IQGAP1: variants seen among roughly 807,000 people sequenced by gnomAD.
IQGAP1 encodes the protein ras GTPase-activating-like protein IQGAP1.
IQGAP1 carries 66 observed loss-of-function variants against 215.6 expected under a neutral mutation model. The observed-to-expected ratio is 0.31, with a 90% CI of 0.25 to 0.38. The LOEUF is 0.38. Among genes scored for constraint, IQGAP1 ranks in the 10% least tolerant of loss-of-function variants. The pLI is 1.00. For synonymous variants in IQGAP1, 772 were observed against 728.7 expected, an observed-to-expected ratio of 1.06 and a Z score of -0.96; for missense variants, 1,712 against 1,997.1, an observed-to-expected ratio of 0.86 and a Z score of 2.72.
Position 90,499,616 on chromosome 15 carries a change from G to A in IQGAP1, c.4861-379G>A, listed in dbSNP as rs1262156251. The stretch of plus-strand genomic sequence containing the variant: ...ACCTTTTCCAGATTTATTAAAACTA[G>A]TGACCCATAACATGGATGAAATGGG... On this transcript the variant is annotated intron_variant, in intron 37 of 37. Coordinates refer to ENST00000268182, the MANE Select transcript of IQGAP1 (RefSeq NM_003870.4). Among the ~76,000 whole-genome samples the A allele has an allele frequency of 2.6e-5, 4 of 152,318 alleles. No individual in the cohort carries two copies. In the East Asian group the frequency reaches 7.7e-4, roughly 29 times the overall value.
chr15:90,458,967 T>C (rs1965723832), intron 15 of IQGAP1, among the ~76,000 whole-genome samples: 1 of 152,086 alleles, frequency 6.6e-6, no homozygotes, highest in Non-Finnish European at 1.5e-5. Context: ...ACATATAAAA[T>C]TGCCCACTCC....
chr15:90,416,883 T>C (rs11857092), intron 2 of IQGAP1, among the ~76,000 whole-genome samples: 63,132 of 151,980 alleles, frequency 0.42, 14,880 homozygotes, highest in African/African-American at 0.66. Flanking sequence ...AGCCTGTTTC[T>C]TAACTTTTTA....
chr15:90,423,086 A>C (rs1223593101), intron 2 of IQGAP1, among the ~76,000 whole-genome samples: 1 of 145,996 alleles, frequency 6.8e-6, no homozygotes, highest in East Asian at 2.5e-4. Context: ...TGATTCTGTG[A>C]TTTAGTAGAA....
rs182710515 is a variant in IQGAP1 at position 90,443,420 on chromosome 15, T to C, written c.855T>C (p.Asp285=). 1.9e-6 allele frequency: 3 copies of C among 1,613,066 alleles called. No individual in the cohort carries two copies. The highest frequency in any genetic ancestry group is 1.1e-5 in the South Asian group (1 of 91,040). The change falls in exon 9 of 38, where the codon GAT becomes GAC. Residue 285 remains aspartate (D), a synonymous_variant. Transcript: ENST00000268182. ...CAGAAAACTCAGAGAGAGAAAGAGA[T>C]GTTTATGAGGAGCTGCTCACGCAAG... ...NRTENSERER[D]VYEELLTQAE... is the part of the protein sequence containing the mutation.
At chr15:90,433,648 TTGA>T (rs1457053682) in intron 4 of IQGAP1, 68 bp from the exon 5 acceptor site, 2 of 931,180 alleles carry the variant, frequency 2.1e-6, no homozygotes, top group African/African-American at 3.3e-5. Flanking sequence ...ATTTGGATTA[TTGA>T]TGATTGGTGA....
intron 30 of IQGAP1, among the ~76,000 whole-genome samples, chr15:90,484,968 T>G (rs1400065237): frequency 1.3e-5 from 2 of 152,216 alleles, no homozygotes; most frequent in East Asian, 1.9e-4. Flanking sequence ...ATCTATTGCC[T>G]TAATAAAATA....
intron 18 of IQGAP1, among the ~76,000 whole-genome samples, chr15:90,471,464 C>T (rs1343866441): frequency 1.3e-5 from 2 of 151,278 alleles, no homozygotes; most frequent in African/African-American, 2.4e-5. Context: ...CATACTACTA[C>T]TGCTCACAGC....
intron 2 of IQGAP1, among the ~76,000 whole-genome samples, chr15:90,406,309 C>A (rs77122727): frequency 0.014 from 2,118 of 152,278 alleles, 41 homozygotes; most frequent in African/African-American, 0.048. Context: ...ATTGGTGAAT[C>A]AGAGAAAAAC....
intron 4 of IQGAP1, 54 bp downstream of exon 4, chr15:90,429,720 C>A: frequency 1.8e-6 from 2 of 1,084,010 alleles, no homozygotes; most frequent in South Asian, 1.4e-5. Flanking sequence ...GTGGCATAAC[C>A]CTCAAACAAC....
intron 26 of IQGAP1, among the ~76,000 whole-genome samples, chr15:90,478,814 AAAAG>A (rs1966015048): frequency 1.3e-5 from 2 of 152,226 alleles, no homozygotes; most frequent in Admixed American, 1.3e-4. Context: ...CATTAAAGGA[AAAAG>A]AAAACGGTGT....
chr15:90,441,818 T>G (rs1965454915), intron 8 of IQGAP1, 134 bp downstream of exon 8: 1 of 698,110 alleles, frequency 1.4e-6, no homozygotes, highest in Admixed American at 3.0e-5. Context: ...AATGTACAGT[T>G]TGAGTTTTGA....
At chr15:90,416,493 A>G (rs1236916252) in intron 2 of IQGAP1, among the ~76,000 whole-genome samples, 1 of 151,912 alleles carries the variant, frequency 6.6e-6, no homozygotes, top group Non-Finnish European at 1.5e-5. Flanking sequence ...GTCTTCCCCA[A>G]TGGTTGAAGC....
At chr15:90,408,023 T>C (rs1224289314) in intron 2 of IQGAP1, among the ~76,000 whole-genome samples, 1 of 152,232 alleles carries the variant, frequency 6.6e-6, no homozygotes, top group African/African-American at 2.4e-5. Flanking sequence ...GGAAAGATTA[T>C]TTTATGGCTG....
chr15:90,406,410 C>T (rs1964878728), intron 2 of IQGAP1, among the ~76,000 whole-genome samples: 1 of 152,192 alleles, frequency 6.6e-6, no homozygotes, highest in South Asian at 2.1e-4. Flanking sequence ...GGTGATCCAC[C>T]CGCCTCAGCC....
chr15:90,477,519 G>T, intron 25 of IQGAP1, 146 bp from the exon 26 acceptor site: 1 of 666,914 alleles, frequency 1.5e-6, no homozygotes, highest in Non-Finnish European at 2.6e-6. Context: ...GACCACGATT[G>T]AGCGTGCAGC....
chr15:90,492,562 G>A lies in IQGAP1; in HGVS notation c.4479G>A (p.Arg1493=), dbSNP rs761610878. 2.5e-6 allele frequency: 4 copies of A among 1,602,654 alleles called. No homozygotes were observed. In the East Asian group the frequency reaches 8.9e-5, roughly 36 times the overall value. ...TGTCTCAGGATATTCGGAATCAGCG[G>A]AGGTACCGACAGAGGAGAAAGGCCG... The part of the protein sequence containing the change: ...NDIARDIRNQ[R]RYRQRRKAEL... The change falls in exon 35 of 38, where the codon CGG becomes CGA. Residue 1493 remains arginine, a synonymous_variant. Coordinates refer to ENST00000268182, the MANE Select transcript of IQGAP1 (RefSeq NM_003870.4).
chr15:90,494,856 T>C (rs1966251193), intron 36 of IQGAP1, 21 bp downstream of exon 36: 1 of 1,572,086 alleles, frequency 6.4e-7, no homozygotes, highest in Non-Finnish European at 8.6e-7. Context: ...GCTTTTTGTT[T>C]TATAAGTTGA....
chr15:90,471,499 A>T (rs914658880), intron 18 of IQGAP1, among the ~76,000 whole-genome samples: 1 of 144,426 alleles, frequency 6.9e-6, no homozygotes, highest in Non-Finnish European at 1.5e-5. Flanking sequence ...TACCTCATGA[A>T]GTCTTTTTTT....
intron 2 of IQGAP1, among the ~76,000 whole-genome samples, chr15:90,415,826 T>C (rs1965039310): frequency 6.6e-6 from 1 of 152,218 alleles, no homozygotes; most frequent in African/African-American, 2.4e-5. Flanking sequence ...CTGTCGTCCA[T>C]GCTGCTGTCC....
Sources: allele counts gnomAD v4.1 joint callset (sites outside exome capture counted in the v4.1 genomes callset), GRCh38; gene constraint gnomAD v4.1.1; transcripts MANE v1.5; gene names NCBI Gene and HGNC (gene_info 2026-07-23, HGNC 2026-07-21).